The following MALRD1 variants were observed in gnomAD, a reference collection of about 807,000 sequenced individuals.
MALRD1 encodes the protein MAM and LDL receptor class A domain containing 1, also known as MAM and LDL-receptor class A domain-containing protein 1.
A neutral mutation model predicts 242.1 loss-of-function variants in MALRD1; 247 were observed. The ratio of observed to expected loss-of-function variants is 1.02; its 90% CI spans 0.92 to 1.13. MALRD1 has a LOEUF of 1.13. Ranked by LOEUF, MALRD1 falls within the 50% of genes most tolerant of loss-of-function variation. The pLI is 0.00. For synonymous variants in MALRD1, 995 were observed against 866.6 expected (o/e 1.15, Z -2.60); for missense variants, 2,989 against 2,533.1 (o/e 1.18, Z -3.86).
intron 19 of MALRD1, among the ~76,000 whole-genome samples, chr10:19,268,964 A>G (rs2131841238): frequency 6.6e-6 from 1 of 152,280 alleles, no homozygotes; most frequent in East Asian, 1.9e-4. Flanking sequence ...AGAGATGTGG[A>G]AGAAGATCAG....
chr10:19,382,600 C>T (rs1299544243), intron 26 of MALRD1, among the ~76,000 whole-genome samples: 1 of 151,998 alleles, frequency 6.6e-6, no homozygotes, highest in African/African-American at 2.4e-5. Flanking sequence ...GAAGTAAATA[C>T]TTGGGATTTA....
chr10:19,222,479 G>T (rs1477718539), intron 18 of MALRD1, among the ~76,000 whole-genome samples: 1 of 152,168 alleles, frequency 6.6e-6, no homozygotes, highest in East Asian at 1.9e-4. Context: ...TCACAAGGAA[G>T]TATTTAAATA....
intron 29 of MALRD1, among the ~76,000 whole-genome samples, chr10:19,458,681 G>A (rs1835785672): frequency 6.6e-6 from 1 of 152,140 alleles, no homozygotes; most frequent in Non-Finnish European, 1.5e-5. Context: ...GAAGTAGCAT[G>A]TGTCATTTCC....
chr10:19,494,373 G>A (rs781038096), intron 30 of MALRD1, among the ~76,000 whole-genome samples: 1 of 152,196 alleles, frequency 6.6e-6, no homozygotes, highest in Non-Finnish European at 1.5e-5. Flanking sequence ...AATGGCCAGA[G>A]TGTCTTCTGT....
intron 31 of MALRD1, among the ~76,000 whole-genome samples, chr10:19,499,994 G>C (rs1192293246): frequency 2.6e-5 from 4 of 152,192 alleles, no homozygotes; most frequent in East Asian, 1.9e-4. Flanking sequence ...TCTTTGATAT[G>C]ATGGTGGATT....
chr10:19,532,411 C>T (rs1033636688), intron 32 of MALRD1, among the ~76,000 whole-genome samples: 4 of 152,030 alleles, frequency 2.6e-5, no homozygotes, highest in East Asian at 1.9e-4. Context: ...TGCATCACCA[C>T]GTCCAGCTAA....
In MALRD1 at chr10:19,724,642, A is replaced by T. The variant is rs193150486; in HGVS notation, c.6315-6064A>T. Among the ~76,000 whole-genome samples the T allele has an allele frequency of 3.3e-5, 5 of 152,318 alleles. No homozygotes were observed. The East Asian group carries it at 9.6e-4, about 29-fold the overall frequency. On this transcript the variant is annotated intron_variant, in intron 38 of 39. Transcript: ENST00000454679. ...CATTGCCATCATAATTTTCCTATAC[A>T]CTAGCTTTAAATTGTTTACATTAAG...
intron 29 of MALRD1, among the ~76,000 whole-genome samples, chr10:19,471,387 T>A (rs1836487108): frequency 6.6e-6 from 1 of 151,942 alleles, no homozygotes; most frequent in South Asian, 2.1e-4. Flanking sequence ...GCTTTATTTT[T>A]CTTGCTTGAG....
At chr10:19,527,663 A>G (rs1834165971) in intron 31 of MALRD1, among the ~76,000 whole-genome samples, 1 of 152,338 alleles carries the variant, frequency 6.6e-6, no homozygotes, top group African/African-American at 2.4e-5. Flanking sequence ...AATAACTTAT[A>G]CAAACATATT....
intron 11 of MALRD1, among the ~76,000 whole-genome samples, chr10:19,148,250 G>T (rs1588614655): frequency 6.6e-6 from 1 of 152,178 alleles, no homozygotes; most frequent in East Asian, 1.9e-4. Flanking sequence ...TGTCACGGTG[G>T]TCTGATGTGA....
At chr10:19,360,920 T>C (rs1844863917) in intron 26 of MALRD1, among the ~76,000 whole-genome samples, 3 of 152,122 alleles carry the variant, frequency 2.0e-5, no homozygotes, top group Non-Finnish European at 4.4e-5. Flanking sequence ...GTTTTTTTTT[T>C]GAAATTCATT....
intron 28 of MALRD1, among the ~76,000 whole-genome samples, chr10:19,448,881 CT>C (rs1835152828): frequency 6.6e-6 from 1 of 151,628 alleles, no homozygotes; most frequent in Admixed American, 6.6e-5. Context: ...ATCACTTTTC[CT>C]CCTAACTGAA....
In MALRD1 at chr10:19,331,367, A is replaced by T. The variant is rs530605413; in HGVS notation, c.3688-2A>T. 131 of 1,539,942 alleles carry T rather than the reference A, an allele frequency of 8.5e-5. No homozygotes were observed. Among genetic ancestry groups the T allele is most frequent in the Admixed American group, 8.3e-4 (40 of 47,994 alleles). ...TTAACTGTAACTGGCTTTTTTTTTT[A>T]GATTGTCTTCAGAGCCAAACGTGGT... is the stretch of plus-strand genomic sequence containing the variant. On this transcript the variant is annotated splice_acceptor_variant, in intron 23 of 39. Coordinates refer to ENST00000454679, the MANE Select transcript of MALRD1 (RefSeq NM_001142308.3). LOFTEE classifies it high-confidence loss of function.
chr10:19,490,511 G>GT (rs1837438630), intron 29 of MALRD1, among the ~76,000 whole-genome samples: 2 of 128,298 alleles, frequency 1.6e-5, no homozygotes, highest in African/African-American at 2.7e-5. Flanking sequence ...TGGGGCGGGG[G>GT]GGGGGCAGGG....
At chr10:19,516,687 CCCTCCCTT>C (rs1041733758) in intron 31 of MALRD1, among the ~76,000 whole-genome samples, 23 of 149,364 alleles carry the variant, frequency 1.5e-4, no homozygotes, top group Middle Eastern at 3.4e-3. Flanking sequence ...CTCATCTCCT[CCCTCCCTT>C]CCTCCCTCCC....
At chr10:19,542,641 T>C (rs1022676882) in intron 32 of MALRD1, among the ~76,000 whole-genome samples, 1 of 152,058 alleles carries the variant, frequency 6.6e-6, no homozygotes, top group African/African-American at 2.4e-5. Flanking sequence ...AATTTATATA[T>C]ATAGATGTAA....
intron 32 of MALRD1, among the ~76,000 whole-genome samples, chr10:19,556,455 T>A (rs1360711531): frequency 1.3e-5 from 2 of 152,042 alleles, no homozygotes; most frequent in Admixed American, 1.3e-4. Context: ...CCAAAACCCT[T>A]TTTTTTACTG....
At chr10:19,123,387 G>T in intron 5 of MALRD1, 105 bp from the exon 6 acceptor site, 2 of 477,122 alleles carry the variant, frequency 4.2e-6, no homozygotes, top group Non-Finnish European at 6.6e-6. Context: ...AAGAGAAATT[G>T]GTTACAGAGT....
chr10:19,191,976 T>A (rs1242520488), intron 14 of MALRD1, among the ~76,000 whole-genome samples: 1 of 151,868 alleles, frequency 6.6e-6, no homozygotes, highest in East Asian at 1.9e-4. Context: ...CACTCCAGCC[T>A]GGGCAATAGA....
Sources: gnomAD v4.1 joint callset for allele counts (sites outside exome capture counted in the v4.1 genomes callset) on GRCh38, gnomAD v4.1.1 for gene constraint, MANE v1.5 for transcripts, NCBI Gene and HGNC (gene_info 2026-07-23, HGNC 2026-07-21) for gene names.